SLCO1B3: variants seen among roughly 807,000 people sequenced by gnomAD.
SLCO1B3 encodes liver-specific organic anion transporter 2.
In SLCO1B3, 72 loss-of-function variants were observed where a neutral mutation model predicts 71.8. The ratio of observed to expected loss-of-function variants is 1.00; its 90% CI spans 0.83 to 1.22. The LOEUF (loss-of-function observed/expected upper bound fraction) is 1.22. Ranked by LOEUF, SLCO1B3 falls within the 50% of genes most tolerant of loss-of-function variation. The pLI is 0.00. For missense variants in SLCO1B3, 911 were observed against 819.7 expected (o/e 1.11, Z -1.36); for synonymous variants, 298 against 278.4 (o/e 1.07, Z -0.70).
intron 13 of SLCO1B3, among the ~76,000 whole-genome samples, chr12:20,890,749 A>G (rs1865887824): frequency 6.6e-6 from 1 of 152,098 alleles, no homozygotes; most frequent in African/African-American, 2.4e-5. Context: ...TGTTTAATTG[A>G]TCCTTTATAT....
chr12:20,902,982 A>G (rs936426851), intron 15 of SLCO1B3, among the ~76,000 whole-genome samples: 2 of 151,584 alleles, frequency 1.3e-5, no homozygotes, highest in Admixed American at 6.6e-5. Flanking sequence ...CTGAGGTGGG[A>G]CAACTGCTTG....
intron 3 of SLCO1B3, among the ~76,000 whole-genome samples, chr12:20,836,403 A>G (rs1864680780): frequency 6.6e-6 from 1 of 151,972 alleles, no homozygotes; most frequent in Admixed American, 6.6e-5. Flanking sequence ...TTTTTTACTA[A>G]TATTTGTTGA....
chr12:20,892,734 C>T (rs1484773443), intron 13 of SLCO1B3, among the ~76,000 whole-genome samples: 1 of 152,108 alleles, frequency 6.6e-6, no homozygotes, highest in African/African-American at 2.4e-5. Context: ...AAAATGTGAA[C>T]TAGTAATCCT....
At chr12:20,914,386 T>G (rs1866449695) in intron 15 of SLCO1B3, among the ~76,000 whole-genome samples, 1 of 152,088 alleles carries the variant, frequency 6.6e-6, no homozygotes, top group East Asian at 1.9e-4. Context: ...AGATTATGAG[T>G]ACCCTTATAA....
At position 20,855,032 on chromosome 12, in the gene SLCO1B3, T is replaced by C. The variant is rs1225928922; in HGVS notation, c.89T>C (p.Phe30Ser). ...TTTTTCTTCTATTGTTTTTAGATGT[T>C]CTTGGCAGCCCTGTCATTCAGCTAT... ...KTRRCNGFKMFLAALSFSYIA... is the reference protein window; with the variant it reads ...KTRRCNGFKMSLAALSFSYIA... The change falls in exon 4 of 16, where the codon TTC becomes TCC. Residue 30 changes from phenylalanine (F) to serine (S), a missense_variant. Transcript: ENST00000381545. The C allele has an allele frequency of 6.2e-7, 1 of 1,609,978 alleles. No individual in the cohort carries two copies. The highest frequency in any genetic ancestry group is 1.7e-5 in the Admixed American group (1 of 59,282).
intron 3 of SLCO1B3, among the ~76,000 whole-genome samples, chr12:20,822,437 A>C (rs1475705913): frequency 6.6e-6 from 1 of 152,246 alleles, no homozygotes. Context: ...AGGAAATTCA[A>C]AGGGTTAGTC....
chr12:20,904,764 T>G (rs1449354892), intron 15 of SLCO1B3, among the ~76,000 whole-genome samples: 1 of 87,466 alleles, frequency 1.1e-5, no homozygotes, highest in Non-Finnish European at 2.3e-5. Flanking sequence ...GCTTTTTTTT[T>G]TTTTTTTTTT....
At chr12:20,907,308 G>C (rs1866266042) in intron 15 of SLCO1B3, among the ~76,000 whole-genome samples, 1 of 152,014 alleles carries the variant, frequency 6.6e-6, no homozygotes, top group South Asian at 2.1e-4. Context: ...CAGTAAAGCA[G>C]CATTCAGCAG....
At chr12:20,871,696 C>T (rs1318968454) in intron 8 of SLCO1B3, among the ~76,000 whole-genome samples, 1 of 152,110 alleles carries the variant, frequency 6.6e-6, no homozygotes, top group East Asian at 1.9e-4. Flanking sequence ...GACTCTTGTT[C>T]TCTTCCCCTG....
chr12:20,820,995 T>C (rs2075510704), intron 3 of SLCO1B3, among the ~76,000 whole-genome samples: 1 of 151,938 alleles, frequency 6.6e-6, no homozygotes, highest in East Asian at 1.9e-4. Flanking sequence ...ATAAAAAGTT[T>C]ATAGGGTGGA....
chr12:20,833,256 C>T (rs1463514762), intron 3 of SLCO1B3, among the ~76,000 whole-genome samples: 1 of 152,026 alleles, frequency 6.6e-6, no homozygotes, highest in East Asian at 1.9e-4. Context: ...ACCTTAATTC[C>T]ATGTGCAATT....
chr12:20,849,455 T>C (rs1311424295), intron 3 of SLCO1B3, among the ~76,000 whole-genome samples: 1 of 152,102 alleles, frequency 6.6e-6, no homozygotes, highest in Non-Finnish European at 1.5e-5. Context: ...ATATTTGATA[T>C]TGAAAGACTG....
chr12:20,872,500 G>C (rs1313437873), intron 8 of SLCO1B3, among the ~76,000 whole-genome samples: 1 of 151,992 alleles, frequency 6.6e-6, no homozygotes, highest in Non-Finnish European at 1.5e-5. Flanking sequence ...AACAGAAGGA[G>C]TCTTTCACCG....
intron 4 of SLCO1B3, among the ~76,000 whole-genome samples, chr12:20,856,245 C>G (rs1865133373): frequency 6.6e-6 from 1 of 152,140 alleles, no homozygotes; most frequent in Non-Finnish European, 1.5e-5. Context: ...ACATCATTAT[C>G]AGTTTGGTTT....
intron 8 of SLCO1B3, among the ~76,000 whole-genome samples, chr12:20,869,340 T>G (rs1865435390): frequency 6.6e-6 from 1 of 152,192 alleles, no homozygotes; most frequent in Admixed American, 6.5e-5. Context: ...CTTCTCACTG[T>G]GTCCCCTCAG....
chr12:20,877,914 A>G lies in SLCO1B3; in HGVS notation c.1113A>G (p.Ala371=), dbSNP rs1409383068. Residue 371 remains alanine (A), a synonymous_variant, in exon 10 of 16, where the codon GCA becomes GCG. Coordinates refer to ENST00000381545, the MANE Select transcript of SLCO1B3 (RefSeq NM_019844.4). ...KYMEQQYGQS[A]SHANFLLGII... ...TGGAGCAACAGTACGGTCAGTCTGC[A>G]TCTCATGCTAACTTTTTGTTGGGTA... is the stretch of plus-strand genomic sequence containing the variant. 1 of 1,591,034 alleles carries G rather than the reference A, an allele frequency of 6.3e-7. No homozygotes were observed. The highest frequency in any genetic ancestry group is 8.5e-7 in the Non-Finnish European group (1 of 1,171,282).
intron 11 of SLCO1B3, 87 bp from the exon 12 acceptor site, chr12:20,880,768 C>T: frequency 1.3e-6 from 1 of 794,644 alleles, no homozygotes; most frequent in Non-Finnish European, 1.9e-6. Flanking sequence ...TCTATTTCCC[C>T]TCTCCTTATC....
At chr12:20,884,244 G>A (rs930247253) in intron 13 of SLCO1B3, among the ~76,000 whole-genome samples, 5 of 151,998 alleles carry the variant, frequency 3.3e-5, no homozygotes, top group African/African-American at 9.7e-5. Flanking sequence ...ACTGATGTGA[G>A]ACAAATAAGT....
intron 13 of SLCO1B3, among the ~76,000 whole-genome samples, chr12:20,886,701 T>G (rs1357647399): frequency 6.6e-6 from 1 of 152,156 alleles, no homozygotes; most frequent in Non-Finnish European, 1.5e-5. Flanking sequence ...AAAAAAAGGC[T>G]GTTTTGGTTG....
Sources: allele counts gnomAD v4.1 joint callset (sites outside exome capture counted in the v4.1 genomes callset), GRCh38; gene constraint gnomAD v4.1.1; transcripts MANE v1.5; gene names NCBI Gene and HGNC (gene_info 2026-07-23, HGNC 2026-07-21).